ZNF454: variants seen among roughly 807,000 people sequenced by gnomAD.
The protein encoded by ZNF454 is zinc finger protein 454.
A neutral mutation model predicts 48.2 loss-of-function variants in ZNF454; 30 were observed. The ratio of observed to expected loss-of-function variants is 0.62; its 90% CI spans 0.47 to 0.84. The LOEUF is 0.84. Ranked by LOEUF, ZNF454 falls within the 40% of genes least tolerant of loss-of-function variation. The probability of loss-of-function intolerance (pLI) is 0.00; values close to 1 mark genes in which losing one functional copy is unlikely to be tolerated. For synonymous variants in ZNF454, 204 were observed against 211.4 expected, an observed-to-expected ratio of 0.97 and a Z score of 0.30; for missense variants, 510 against 623.1, an observed-to-expected ratio of 0.82 and a Z score of 1.93.
intron 4 of ZNF454, among the ~76,000 whole-genome samples, chr5:178,948,933 CCTT>C (rs1759449021): frequency 1.3e-5 from 2 of 149,980 alleles, no homozygotes; most frequent in Non-Finnish European, 3.0e-5. Flanking sequence ...GACACAGTCT[CCTT>C]CTGTTACCCA....
At chr5:178,968,437 A>G (rs1760197932), downstream of ZNF454, among the ~76,000 whole-genome samples, 1 of 152,194 alleles carries the variant, frequency 6.6e-6, no homozygotes, top group Admixed American at 6.5e-5. Context: ...TCAAAGTCCA[A>G]GTAATCTAAA....
chr5:178,950,600 G>A (rs998819537), intron 4 of ZNF454, among the ~76,000 whole-genome samples: 10 of 152,088 alleles, frequency 6.6e-5, no homozygotes, highest in South Asian at 4.1e-4. Flanking sequence ...ACCAATGCTC[G>A]GTGATTCCTT....
At chr5:178,969,436 C>G (rs779122078), downstream of ZNF454, 4 of 456,544 alleles carry the variant, frequency 8.8e-6, no homozygotes, top group Admixed American at 7.0e-5. Context: ...CTAGAAAGAG[C>G]AGTTCATTCC....
intron 4 of ZNF454, among the ~76,000 whole-genome samples, chr5:178,958,457 C>A (rs888024768): frequency 2.6e-5 from 4 of 152,180 alleles, no homozygotes; most frequent in Admixed American, 2.6e-4. Context: ...TAATGTTTCG[C>A]CATATAAACC....
the ZNF454 span, chr5:178,987,143 A>T: frequency 4.2e-3 from 3,186 of 759,554 alleles, 67 homozygotes; most frequent in African/African-American, 0.047. Flanking sequence ...CCCTTCACCC[A>T]TTGGGATGGC....
intron 4 of ZNF454, among the ~76,000 whole-genome samples, chr5:178,959,706 C>T (rs1581876446): frequency 6.6e-6 from 1 of 150,546 alleles, no homozygotes; most frequent in Non-Finnish European, 1.5e-5. Context: ...CCTGGGTTCA[C>T]GCCATTCTGC....
intron 4 of ZNF454, among the ~76,000 whole-genome samples, chr5:178,953,252 G>T (rs1408906911): frequency 6.6e-6 from 1 of 152,006 alleles, no homozygotes; most frequent in Non-Finnish European, 1.5e-5. Flanking sequence ...GTGTAGCTTT[G>T]ACTTGGTCAG....
the ZNF454 span, chr5:178,987,535 T>A: frequency 4.6e-6 from 2 of 436,512 alleles, no homozygotes; most frequent in Admixed American, 4.9e-5. Context: ...GAGGACATGA[T>A]GCTCGGTGAA....
rs1759350776 is a variant in ZNF454, at chr5:178,946,670, A to C, written c.160+185A>C. ...TTTGGAGTCCACTGCGGATGCCTCA[A>C]AAGTGACTAGGGTCAAATGCTTTCT... On this transcript the variant is annotated intron_variant, in intron 3 of 4. Coordinates refer to ENST00000519564, the MANE Select transcript of ZNF454 (RefSeq NM_001178089.3). This position sits in a 1 kb window ranked among gnomAD's most constrained non-coding sequence, Gnocchi z 4.5. 6.6e-6 allele frequency among the ~76,000 whole-genome samples: 1 copy of C among 152,194 alleles called. No individual in the cohort carries two copies. Among genetic ancestry groups the C allele is most frequent in the African/African-American group, 2.4e-5 (1 of 41,444 alleles).
chr5:178,964,182 G>T (rs928279160), intron 4 of ZNF454, among the ~76,000 whole-genome samples: 1 of 150,978 alleles, frequency 6.6e-6, no homozygotes, highest in Non-Finnish European at 1.5e-5. Context: ...ATGCAGTGGC[G>T]CGATCTCGGC....
chr5:178,983,645 C>G, the ZNF454 span: 3,582 of 363,244 alleles, frequency 9.9e-3, 113 homozygotes, highest in African/African-American at 0.071. Context: ...CTCACGTGTA[C>G]TGAGCTTCAA....
the ZNF454 span, chr5:178,985,841 A>C: frequency 5.5e-6 from 3 of 542,344 alleles, no homozygotes; most frequent in South Asian, 5.3e-5. Flanking sequence ...GGCTCACAGC[A>C]ACCTTCAACT....
In ZNF454 at chr5:178,964,969, A is replaced by C; in HGVS notation, c.565A>C (p.Lys189Gln). 6.2e-7 allele frequency: 1 copy of C among 1,614,242 alleles called. No individual in the cohort carries two copies. Among genetic ancestry groups the C allele is most frequent in the Non-Finnish European group, 8.5e-7 (1 of 1,180,034 alleles). Reference protein sequence around the residue: ...ECSECGKVFSKSSTLNKHQKI... With the variant: ...ECSECGKVFSQSSTLNKHQKI... The stretch of plus-strand genomic sequence containing the variant: ...TAGTGAGTGTGGAAAAGTCTTCTCT[A>C]AGAGTTCAACTCTTAATAAACATCA... Residue 189 changes from lysine to glutamine, a missense_variant, in exon 5 of 5, where the codon AAG becomes CAG. This residue lies in a region of ZNF454 where 354 missense variants were observed against 408.9 expected (regional missense o/e 0.87). Coordinates refer to ENST00000519564, the MANE Select transcript of ZNF454 (RefSeq NM_001178089.3).
chr5:178,981,985 G>C, the ZNF454 span: 46 of 777,866 alleles, frequency 5.9e-5, no homozygotes, highest in Non-Finnish European at 5.6e-5. This position sits in a 1 kb window ranked among gnomAD's most constrained non-coding sequence, Gnocchi z 5.1. Context: ...ACTTAGACCA[G>C]GACAACAGTA....
chr5:178,984,899 T>A, the ZNF454 span, among the ~76,000 whole-genome samples: 1 of 152,082 alleles, frequency 6.6e-6, no homozygotes, highest in Middle Eastern at 3.2e-3. Context: ...CAGCTGGCCC[T>A]GCAGTGTCAC....
chr5:178,969,645 C>T (rs1338888548), downstream of ZNF454: 5 of 456,756 alleles, frequency 1.1e-5, no homozygotes, highest in East Asian at 2.8e-4. Flanking sequence ...CGACCATGAC[C>T]TTCACATGAG....
chr5:178,986,720 C>T, the ZNF454 span: 5 of 1,605,040 alleles, frequency 3.1e-6, no homozygotes, highest in Admixed American at 1.7e-5. Flanking sequence ...GAGGGCACCT[C>T]GTGGGGGTCG....
intron 2 of ZNF454, among the ~76,000 whole-genome samples, chr5:178,943,664 CA>C (rs1759201857): frequency 6.6e-6 from 1 of 152,154 alleles, no homozygotes; most frequent in Non-Finnish European, 1.5e-5. Context: ...TGAAATTATT[CA>C]AAAGACTATT....
chr5:178,942,685 C>A lies in ZNF454; in HGVS notation c.-107C>A. ...TTTTGACCCAGTTCTCTCCTAATAG[C>A]AGGTGTGTGGACCCTTCTAGCCTGA... On this transcript the variant is annotated splice_region_variant and 5_prime_UTR_variant, in exon 2 of 5. Coordinates refer to ENST00000519564, the MANE Select transcript of ZNF454 (RefSeq NM_001178089.3). 1 of 1,258,006 alleles carries A rather than the reference C, an allele frequency of 7.9e-7. No homozygotes were observed. Among genetic ancestry groups the A allele is most frequent in the Non-Finnish European group, 1.2e-6 (1 of 866,846 alleles). 77.9% of individuals were successfully genotyped at this position (1,258,006 alleles called of 1,614,324 possible).
Sources: allele counts gnomAD v4.1 joint callset (sites outside exome capture counted in the v4.1 genomes callset), GRCh38; gene constraint gnomAD v4.1.1; regional missense constraint gnomAD v4.1.1; non-coding constraint Gnocchi (gnomAD v3.1); transcripts MANE v1.5; gene names NCBI Gene and HGNC (gene_info 2026-07-23, HGNC 2026-07-21).